The following GPR155 variants were observed in gnomAD, a reference collection of about 807,000 sequenced individuals.
GPR155 encodes the protein lysosomal cholesterol signaling protein.
GPR155 carries 65 observed loss-of-function variants against 93.1 expected under a neutral mutation model. The observed-to-expected ratio is 0.70, with a 90% CI of 0.57 to 0.86. GPR155 has a LOEUF of 0.86. GPR155 is among the 40% of genes least tolerant of loss of function. The pLI, the probability that GPR155 is intolerant of heterozygous loss-of-function variation, is 0.00. For missense variants in GPR155, 838 were observed against 1,034.8 expected (o/e 0.81, Z 2.61); for synonymous variants, 319 against 360.1 (o/e 0.89, Z 1.29).
At chr2:174,449,781 G>A (rs901819042) in intron 11 of GPR155, among the ~76,000 whole-genome samples, 5 of 152,116 alleles carry the variant, frequency 3.3e-5, no homozygotes, top group African/African-American at 1.2e-4. Flanking sequence ...TTTGACACCA[G>A]CCTGACCAAT....
At chr2:174,446,490 A>G in intron 12 of GPR155, 121 bp downstream of exon 12, 1 of 788,682 alleles carries the variant, frequency 1.3e-6, no homozygotes, top group Non-Finnish European at 2.0e-6. Context: ...ATCCAAATTC[A>G]GGTGACCTAG....
At chr2:174,471,586 T>C (rs1192003380) in intron 3 of GPR155, among the ~76,000 whole-genome samples, 1 of 151,910 alleles carries the variant, frequency 6.6e-6, no homozygotes, top group Non-Finnish European at 1.5e-5. Flanking sequence ...CAGGATTTCA[T>C]AGAATGAGCA....
chr2:174,440,211 C>T (rs138660942), intron 14 of GPR155, among the ~76,000 whole-genome samples, 176 bp from the exon 15 acceptor site: 23 of 152,262 alleles, frequency 1.5e-4, no homozygotes, highest in Middle Eastern at 3.4e-3. Context: ...TTCCAGACAT[C>T]ATTAGTCTCA....
At position 174,471,439 on chromosome 2, in the gene GPR155, AG is replaced by A. The variant is rs1559115594; in HGVS notation, c.861-885del. Reference sequence around the variant, plus strand: ...AGATTCCAAAATCCTGTAGAAAAATAGGTATCTTCAAGTAGCTCTTCATCTT... The same window carrying A: ...AGATTCCAAAATCCTGTAGAAAAATAGTATCTTCAAGTAGCTCTTCATCTT... On this transcript the variant is annotated intron_variant, in intron 3 of 15. Transcript: ENST00000392552. Among the ~76,000 whole-genome samples, 3 of 147,046 alleles carry A rather than the reference AG, an allele frequency of 2.0e-5. No individual in the cohort carries two copies. The East Asian group carries it at 6.0e-4, about 29-fold the overall frequency.
intron 9 of GPR155, among the ~76,000 whole-genome samples, chr2:174,460,337 A>G (rs1443871104): frequency 2.0e-5 from 3 of 150,788 alleles, no homozygotes; most frequent in Non-Finnish European, 4.4e-5. Context: ...AATTTTTTGT[A>G]TTTTTTAGTA....
At chr2:174,457,606 G>A (rs1242707939) in intron 10 of GPR155, among the ~76,000 whole-genome samples, 2 of 151,954 alleles carry the variant, frequency 1.3e-5, no homozygotes, top group African/African-American at 2.4e-5. Flanking sequence ...ACAGGCACCC[G>A]CCACCACACC....
chr2:174,453,659 CAAAAAAAAG>C, intron 11 of GPR155, 69 bp downstream of exon 11: 6 of 431,644 alleles, frequency 1.4e-5, no homozygotes, highest in East Asian at 6.6e-5. Context: ...GACTCCGTCT[CAAAAAAAAG>C]AAAAAAAAAA....
intron 2 of GPR155, among the ~76,000 whole-genome samples, chr2:174,475,823 C>T (rs1008978515): frequency 4.6e-5 from 7 of 152,040 alleles, no homozygotes; most frequent in Non-Finnish European, 1.5e-5. Context: ...CAGATATTTT[C>T]GAAAAGTCTT....
rs374348044 is a variant in GPR155, at chr2:174,465,948, C to T, written c.1267-46G>A. On this transcript the variant is annotated intron_variant, in intron 6 of 15. Transcript: ENST00000392552. Reference sequence around the variant, plus strand: ...AGACTTTGTAAATAGCTAAGAAAACCATATAATTCAATACTGCAACAGAAA... The same window carrying T: ...AGACTTTGTAAATAGCTAAGAAAACTATATAATTCAATACTGCAACAGAAA... 1.2e-4 allele frequency: 102 copies of T among 872,476 alleles called. No homozygotes were observed. In the South Asian group the frequency reaches 1.4e-3, roughly 12 times the overall value. The allele number at this position is 872,476 out of a possible 1,614,324, so 54.0% of individuals were successfully genotyped here.
intron 2 of GPR155, among the ~76,000 whole-genome samples, chr2:174,478,392 T>C (rs1370487827): frequency 1.3e-5 from 2 of 151,996 alleles, no homozygotes; most frequent in Non-Finnish European, 2.9e-5. Flanking sequence ...AATTTTGCTG[T>C]TGTTGTTGTA....
chr2:174,468,068 A>G (rs1393169462), intron 5 of GPR155, among the ~76,000 whole-genome samples: 1 of 152,154 alleles, frequency 6.6e-6, no homozygotes, highest in South Asian at 2.1e-4. Flanking sequence ...TTGGGTTTCC[A>G]TTCTACCTAC....
rs767062447 is a variant in GPR155 at position 174,445,028 on chromosome 2, A to G, written c.2109+53T>C. 12 of 866,808 alleles carry G rather than the reference A, an allele frequency of 1.4e-5. 1 individual carries two copies. Among genetic ancestry groups the G allele is most frequent in the Middle Eastern group, 2.2e-4 (1 of 4,566 alleles). 53.7% of individuals were successfully genotyped at this position (866,808 alleles called of 1,614,324 possible). On this transcript the variant is annotated intron_variant, in intron 13 of 15. Transcript: ENST00000392552. Reference sequence around the variant, plus strand: ...CCCCGCTTCCCCCGACCCCCTACCAATCAACCTATCCAGGAAGACAAAAAC... The same window carrying G: ...CCCCGCTTCCCCCGACCCCCTACCAGTCAACCTATCCAGGAAGACAAAAAC...
intron 2 of GPR155, among the ~76,000 whole-genome samples, chr2:174,479,694 A>G (rs1688265091): frequency 1.3e-5 from 2 of 152,252 alleles, no homozygotes; most frequent in South Asian, 2.1e-4. Context: ...AATATTTGTC[A>G]GATATTTAAC....
intron 10 of GPR155, 68 bp downstream of exon 10, chr2:174,459,810 A>T: frequency 1.7e-6 from 2 of 1,170,218 alleles, no homozygotes; most frequent in African/African-American, 3.1e-5. Context: ...ATGCCACTGC[A>T]CTCCAGCCGG....
chr2:174,449,071 C>T (rs1687242013), intron 11 of GPR155, among the ~76,000 whole-genome samples: 1 of 151,914 alleles, frequency 6.6e-6, no homozygotes, highest in South Asian at 2.1e-4. Context: ...TTAAAAAATG[C>T]ACAAAAGACA....
chr2:174,449,797 G>A (rs1220888599), intron 11 of GPR155, among the ~76,000 whole-genome samples: 3 of 152,120 alleles, frequency 2.0e-5, no homozygotes, highest in African/African-American at 7.2e-5. Context: ...CCAATATGGT[G>A]AAATCCCGTC....
intron 2 of GPR155, among the ~76,000 whole-genome samples, chr2:174,478,143 A>AT (rs1688219899): frequency 6.6e-6 from 1 of 152,178 alleles, no homozygotes; most frequent in Non-Finnish European, 1.5e-5. Flanking sequence ...TGAAATCAAC[A>AT]TTTTGCCACG....
chr2:174,449,252 G>T (rs373975284), intron 11 of GPR155, among the ~76,000 whole-genome samples: 2 of 152,304 alleles, frequency 1.3e-5, no homozygotes, highest in East Asian at 3.9e-4. Context: ...AGGCTGTAGA[G>T]AAAAGGGAAT....
At chr2:174,468,341 G>T (rs1446727776) in intron 5 of GPR155, among the ~76,000 whole-genome samples, 1 of 151,708 alleles carries the variant, frequency 6.6e-6, no homozygotes, top group African/African-American at 2.4e-5. Flanking sequence ...AATTCAATAG[G>T]CCATTTGATC....
Sources: allele counts gnomAD v4.1 joint callset (sites outside exome capture counted in the v4.1 genomes callset), GRCh38; gene constraint gnomAD v4.1.1; transcripts MANE v1.5; gene names NCBI Gene and HGNC (gene_info 2026-07-23, HGNC 2026-07-21).